The following ATR variants were observed in gnomAD, a reference collection of about 807,000 sequenced individuals.
ATR encodes ATR checkpoint kinase, also known as serine/threonine-protein kinase ATR.
In ATR, 142 loss-of-function variants were observed where a neutral mutation model predicts 305.3. The observed-to-expected ratio is 0.47, with a 90% CI of 0.41 to 0.53. ATR has a LOEUF of 0.53. Among genes scored for constraint, ATR ranks in the 20% least tolerant of loss-of-function variants. The pLI, the probability that ATR is intolerant of heterozygous loss-of-function variation, is 0.00. For synonymous variants in ATR, 1,050 were observed against 1,068.1 expected, an observed-to-expected ratio of 0.98 and a Z score of 0.33; for missense variants, 2,135 against 3,133.1, an observed-to-expected ratio of 0.68 and a Z score of 7.60.
rs373657074 is a variant in ATR, at chr3:142,535,220, C to G, written c.3820-15G>C. 9 of 1,612,358 alleles carry G rather than the reference C, an allele frequency of 5.6e-6. No individual in the cohort carries two copies. The highest frequency in any genetic ancestry group is 7.6e-6 in the Non-Finnish European group (9 of 1,178,978). ...TCAGAGGTCTCCTATATACAAAGCA[C>G]AGAGAGACAGAACTTATTAATCAAC... On this transcript the variant is annotated splice_polypyrimidine_tract_variant and intron_variant, in intron 20 of 46. Transcript: ENST00000350721.
intron 28 of ATR, among the ~76,000 whole-genome samples, chr3:142,507,213 T>C (rs1235522996): frequency 5.3e-5 from 8 of 152,246 alleles, no homozygotes; most frequent in Non-Finnish European, 1.5e-5. Context: ...CTTGAGCTCT[T>C]ATTTAATTCC....
At chr3:142,479,795 CT>C (rs2108299162) in intron 36 of ATR, among the ~76,000 whole-genome samples, 1 of 152,200 alleles carries the variant, frequency 6.6e-6, no homozygotes, top group African/African-American at 2.4e-5. Flanking sequence ...TCTTTTTATT[CT>C]TTTTTCTCTA....
chr3:142,518,106 C>A (rs2032985720), intron 24 of ATR, among the ~76,000 whole-genome samples: 1 of 152,182 alleles, frequency 6.6e-6, no homozygotes, highest in South Asian at 2.1e-4. Flanking sequence ...CAGTAGATTA[C>A]AGAAATTCTT....
At chr3:142,565,292 C>G (rs1414771471) in intron 3 of ATR, among the ~76,000 whole-genome samples, 1 of 152,074 alleles carries the variant, frequency 6.6e-6, no homozygotes, top group Non-Finnish European at 1.5e-5. Context: ...CAGAAAAAAA[C>G]TTCTTGGAGG....
chr3:142,557,136 G>A (rs991529282), intron 8 of ATR, among the ~76,000 whole-genome samples: 1 of 151,870 alleles, frequency 6.6e-6, no homozygotes, highest in African/African-American at 2.4e-5. Flanking sequence ...AGGTCTGGGT[G>A]GAGCATAAGA....
At position 142,556,160 on chromosome 3, in the gene ATR, G is replaced by A. The variant is rs770238601; in HGVS notation, c.2079-21C>T. The A allele has an allele frequency of 8.7e-6, 14 of 1,611,416 alleles. No individual in the cohort carries two copies. In the Admixed American group the frequency reaches 1.3e-4, roughly 15 times the overall value. ...TATCTCTGGGGAAAAAAAAGAAAAA[G>A]TACTAAACTTTCTTGCCTAATTTTG... On this transcript the variant is annotated intron_variant, in intron 9 of 46. Transcript: ENST00000350721.
intron 20 of ATR, 38 bp from the exon 21 acceptor site, chr3:142,535,243 A>G: frequency 6.2e-7 from 1 of 1,610,382 alleles, no homozygotes; most frequent in Non-Finnish European, 8.5e-7. Context: ...CTTATTAATC[A>G]ACTATTTTAA....
rs536145155 is a variant in ATR at position 142,451,182 on chromosome 3, A to G, written c.7762-1580T>C. 1.0e-5 allele frequency: 12 copies of G among 1,191,458 alleles called. No individual in the cohort carries two copies. In the African/African-American group the frequency reaches 1.9e-4, roughly 19 times the overall value. The allele number at this position is 1,191,458 out of a possible 1,614,324, so 73.8% of individuals were successfully genotyped here. ...GAGGAATCTTCCAAAGAAAACTTCAACTTGTTGGGGATCGAGGTGCAGTAC... is the reference window on the plus strand; with the variant it reads ...GAGGAATCTTCCAAAGAAAACTTCAGCTTGTTGGGGATCGAGGTGCAGTAC... On this transcript the variant is annotated intron_variant, in intron 46 of 46. Transcript: ENST00000350721.
chr3:142,517,028 G>A (rs2108383297), intron 24 of ATR, among the ~76,000 whole-genome samples: 1 of 143,768 alleles, frequency 7.0e-6, no homozygotes, highest in East Asian at 2.0e-4. Flanking sequence ...TGTATTCCAA[G>A]TTTCTAACAG....
At chr3:142,481,817 G>T (rs2030509458) in intron 36 of ATR, among the ~76,000 whole-genome samples, 1 of 151,080 alleles carries the variant, frequency 6.6e-6, no homozygotes, top group Non-Finnish European at 1.5e-5. Flanking sequence ...CATTTATTTT[G>T]ATTTATTTAT....
At chr3:142,546,178 C>T (rs188226906) in intron 16 of ATR, among the ~76,000 whole-genome samples, 191 of 152,242 alleles carry the variant, frequency 1.3e-3, no homozygotes, top group Middle Eastern at 3.4e-3. Context: ...ATATTTCCTG[C>T]TCTGTCTGTG....
At chr3:142,483,329 T>C (rs1233297521) in intron 36 of ATR, among the ~76,000 whole-genome samples, 1 of 151,104 alleles carries the variant, frequency 6.6e-6, no homozygotes. Flanking sequence ...TATTGTTTCT[T>C]AGCAATTAAT....
rs768453353 is a variant in ATR at position 142,562,910 on chromosome 3, C to A, written c.492G>T (p.Val164=). 1.2e-6 allele frequency: 2 copies of A among 1,613,570 alleles called. No individual in the cohort carries two copies. The highest frequency in any genetic ancestry group is 2.2e-5 in the South Asian group (2 of 90,820). Residue 164 remains valine, a synonymous_variant, in exon 4 of 47, where the codon GTG becomes GTT. Transcript: ENST00000350721. ...EDLVYLHRRN[V]MGHAVEWPVV... is the part of the protein sequence containing the mutation. ...CTGGCCATTCCACAGCATGACCCAT[C>A]ACATTTCTTCTATGGAGGTAAACCA...
intron 18 of ATR, among the ~76,000 whole-genome samples, chr3:142,539,912 A>G (rs2033987931): frequency 6.6e-6 from 1 of 152,206 alleles, no homozygotes; most frequent in Non-Finnish European, 1.5e-5. Context: ...ATCAGATGAA[A>G]GATTAGTGGG....
chr3:142,529,536 C>T (rs1183839899), intron 21 of ATR, among the ~76,000 whole-genome samples: 1 of 152,102 alleles, frequency 6.6e-6, no homozygotes, highest in Non-Finnish European at 1.5e-5. Context: ...AACCATCAGA[C>T]CTTTTGCCAA....
At chr3:142,494,048 A>C (rs1005607483) in intron 34 of ATR, among the ~76,000 whole-genome samples, 100 of 151,748 alleles carry the variant, frequency 6.6e-4, no homozygotes, top group African/African-American at 1.9e-3. Context: ...AAAACATAAA[A>C]ATTTAAATTA....
At chr3:142,571,647 C>G (rs1257214366) in intron 1 of ATR, among the ~76,000 whole-genome samples, 1 of 152,084 alleles carries the variant, frequency 6.6e-6, no homozygotes, top group Admixed American at 6.5e-5. Context: ...AAGACAGTTA[C>G]TTATAAATAA....
chr3:142,546,097 G>A (rs1242359696), intron 16 of ATR, among the ~76,000 whole-genome samples: 2 of 152,110 alleles, frequency 1.3e-5, no homozygotes, highest in Non-Finnish European at 2.9e-5. Context: ...CTTACCCTCT[G>A]GCTTTCCACT....
chr3:142,563,025 A>G lies in ATR; in HGVS notation c.377T>C (p.Val126Ala). Reference protein sequence around the residue: ...CHLLHKKICEVICSLLFLFKS... With the variant: ...CHLLHKKICEAICSLLFLFKS... The stretch of plus-strand genomic sequence containing the variant: ...AAAAAGAAATAATAATGAACAGATG[A>G]CTTCACAGATTTTCTTGTGTAACAA... The change falls in exon 4 of 47, where the codon GTC becomes GCC. Residue 126 changes from valine to alanine, a missense_variant. Val to Ala is a moderately conservative substitution (Grantham distance 64). This residue lies in a region of ATR where 744 missense variants were observed against 873.2 expected (regional missense o/e 0.85). Transcript: ENST00000350721. 6.3e-7 allele frequency: 1 copy of G among 1,599,058 alleles called. No homozygotes were observed. The highest frequency in any genetic ancestry group is 1.1e-5 in the South Asian group (1 of 87,588).
Sources: gnomAD v4.1 joint callset for allele counts (sites outside exome capture counted in the v4.1 genomes callset) on GRCh38, gnomAD v4.1.1 for gene constraint, gnomAD v4.1.1 regional missense constraint, MANE v1.5 for transcripts, NCBI Gene and HGNC (gene_info 2026-07-23, HGNC 2026-07-21) for gene names.